The following DAP3 variants were observed in gnomAD, a reference collection of about 807,000 sequenced individuals.
DAP3 encodes the protein small ribosomal subunit protein mS29.
Under a neutral mutation model 51.9 loss-of-function variants are expected in DAP3, and 28 were observed. The observed-to-expected ratio is 0.54, with a 90% CI of 0.40 to 0.74. The LOEUF (loss-of-function observed/expected upper bound fraction) is 0.74, where lower values mean the gene tolerates loss of function less well. Ranked by LOEUF, DAP3 falls within the 30% of genes least tolerant of loss-of-function variation. DAP3 has a pLI of 0.00. For missense variants in DAP3, 458 were observed against 483.5 expected, an observed-to-expected ratio of 0.95 and a Z score of 0.49; for synonymous variants, 170 against 170.3, an observed-to-expected ratio of 1.00 and a Z score of 0.01.
chr1:155,730,573 G>A (rs1469441361), intron 9 of DAP3, among the ~76,000 whole-genome samples: 1 of 152,044 alleles, frequency 6.6e-6, no homozygotes, highest in Non-Finnish European at 1.5e-5. Flanking sequence ...TGGAGATCGT[G>A]CCACTGCATT....
At chr1:155,735,979 C>T (rs976844897) in intron 11 of DAP3, among the ~76,000 whole-genome samples, 3 of 151,530 alleles carry the variant, frequency 2.0e-5, no homozygotes, top group East Asian at 2.0e-4. Context: ...GTAGCTGGGA[C>T]GACAGGTGCA....
upstream of DAP3, chr1:155,688,243 T>G: frequency 6.2e-7 from 1 of 1,610,438 alleles, no homozygotes. Flanking sequence ...GGTGGAGGGC[T>G]AAAGGGGCAA....
intron 2 of DAP3, 101 bp from the exon 3 acceptor site, chr1:155,716,905 G>T (rs1352804053): frequency 6.7e-7 from 1 of 1,490,854 alleles, no homozygotes; most frequent in Non-Finnish European, 9.0e-7. Flanking sequence ...CTGAGATCAC[G>T]CCATTGCACT....
chr1:155,738,181 A>C lies in DAP3; in HGVS notation c.1136A>C (p.Glu379Ala). 6.2e-7 allele frequency: 1 copy of C among 1,614,216 alleles called. No homozygotes were observed. The highest frequency in any genetic ancestry group is 8.5e-7 in the Non-Finnish European group (1 of 1,180,036). ...EKAPTEEGKK[E>A]LLFLSNANPS... ...GCTCCTACAGAAGAAGGGAAAAAAG[A>C]GCTGCTGTTCCTAAGTAACGCGAAC... Residue 379 changes from glutamate to alanine, a missense_variant, in exon 13 of 13, where the codon GAG (glutamate) becomes GCG (alanine). Coordinates refer to ENST00000368336, the MANE Select transcript of DAP3 (RefSeq NM_004632.4).
chr1:155,711,356 G>A (rs376264465), intron 2 of DAP3, among the ~76,000 whole-genome samples: 140 of 152,210 alleles, frequency 9.2e-4, no homozygotes, highest in African/African-American at 3.1e-3. Flanking sequence ...AGCTGCGTGT[G>A]GTGGCACACG....
chr1:155,716,049 C>T (rs1657293359), intron 2 of DAP3, among the ~76,000 whole-genome samples: 1 of 152,314 alleles, frequency 6.6e-6, no homozygotes, highest in South Asian at 2.1e-4. Context: ...GTTTTGACAA[C>T]CATTCATCGC....
chr1:155,716,336 CG>C (rs1426023696), intron 2 of DAP3, among the ~76,000 whole-genome samples: 6 of 151,458 alleles, frequency 4.0e-5, no homozygotes, highest in African/African-American at 1.5e-4. Context: ...CAGAGGCGGG[CG>C]GATCATGAGG....
At chr1:155,728,449 C>G (rs369879822) in intron 7 of DAP3, among the ~76,000 whole-genome samples, 80 of 151,974 alleles carry the variant, frequency 5.3e-4, no homozygotes, top group African/African-American at 1.8e-3. Context: ...GTAGGCCCAT[C>G]TATTCAGGAG....
chr1:155,688,596 C>G, upstream of DAP3: 1 of 1,536,106 alleles, frequency 6.5e-7, no homozygotes, highest in South Asian at 1.2e-5. Flanking sequence ...AACCTCCTCG[C>G]CCAGTTCTCC....
intron 4 of DAP3, among the ~76,000 whole-genome samples, chr1:155,723,265 C>T (rs533120113): frequency 6.6e-6 from 1 of 152,092 alleles, no homozygotes; most frequent in Non-Finnish European, 1.5e-5. Context: ...TGGGCTCAAG[C>T]GATCCTCCTG....
At chr1:155,736,852 CA>C in intron 11 of DAP3, 93 bp from the exon 12 acceptor site, 1 of 1,047,610 alleles carries the variant, frequency 9.5e-7, no homozygotes, top group East Asian at 2.4e-5. Context: ...AGAAGAAAAA[CA>C]AATACCTTAC....
intron 2 of DAP3, among the ~76,000 whole-genome samples, chr1:155,714,370 C>T (rs1357764730): frequency 6.6e-6 from 1 of 152,056 alleles, no homozygotes; most frequent in East Asian, 1.9e-4. Context: ...TGGCTCCATC[C>T]AAGCTTTTAG....
chr1:155,719,339 G>T (rs1157246784), intron 3 of DAP3, among the ~76,000 whole-genome samples: 2 of 149,388 alleles, frequency 1.3e-5, no homozygotes, highest in East Asian at 2.0e-4. Context: ...GGGTTTAAAT[G>T]ATTTTCCTGT....
At chr1:155,710,537 C>T (rs1251150507) in intron 2 of DAP3, 1 of 151,942 alleles carries the variant, frequency 6.6e-6, no homozygotes, top group Non-Finnish European at 1.5e-5. Flanking sequence ...GCCTTCAGTA[C>T]CTTCTATATG....
At chr1:155,715,645 C>G (rs1262523643) in intron 2 of DAP3, among the ~76,000 whole-genome samples, 1 of 152,188 alleles carries the variant, frequency 6.6e-6, no homozygotes, top group Non-Finnish European at 1.5e-5. Context: ...TATTTCTGTT[C>G]TCTTGCTTCT....
chr1:155,688,781 C>A, upstream of DAP3: 1 of 1,538,638 alleles, frequency 6.5e-7, no homozygotes, highest in Non-Finnish European at 8.7e-7. Flanking sequence ...CTACACTCCT[C>A]GCGCGTGCGC....
chr1:155,732,373 GC>G (rs1659336108), intron 11 of DAP3, among the ~76,000 whole-genome samples: 1 of 151,920 alleles, frequency 6.6e-6, no homozygotes, highest in Non-Finnish European at 1.5e-5. Context: ...GGGATTACAG[GC>G]GTCCACTACC....
In DAP3 at chr1:155,725,521, G is replaced by A. The variant is rs777337438; in HGVS notation, c.379+31G>A. 1.2e-5 allele frequency: 19 copies of A among 1,574,376 alleles called. No individual in the cohort carries two copies. The African/African-American group carries it at 2.0e-4, about 17-fold the overall frequency. On this transcript the variant is annotated intron_variant, in intron 5 of 12. Transcript: ENST00000368336. ...CTTTCCTGCCTGCGTGGACCCTCAT[G>A]AACCAATGCTTTCTCCCCTCAAATA...
intron 2 of DAP3, 87 bp downstream of exon 2, chr1:155,709,911 G>C (rs1656486315): frequency 7.4e-7 from 1 of 1,349,508 alleles, no homozygotes; most frequent in East Asian, 2.3e-5. Flanking sequence ...TGTATCTAGA[G>C]TGAAATGCTC....
Sources: gnomAD v4.1 joint callset for allele counts (sites outside exome capture counted in the v4.1 genomes callset) on GRCh38, gnomAD v4.1.1 for gene constraint, MANE v1.5 for transcripts, NCBI Gene and HGNC (gene_info 2026-07-23, HGNC 2026-07-21) for gene names.